Variants in SEPTIN11 observed in about 807,000 individuals in gnomAD.
The protein encoded by SEPTIN11 is septin-11.
In SEPTIN11, 25 loss-of-function variants were observed where a neutral mutation model predicts 51.4. That is an observed-to-expected ratio of 0.49 (90% CI 0.35 to 0.68). The LOEUF (loss-of-function observed/expected upper bound fraction) is 0.68. SEPTIN11 is among the 30% of genes least tolerant of loss of function. SEPTIN11 has a pLI of 0.00. For synonymous variants in SEPTIN11, 174 were observed against 184.1 expected (o/e 0.95, Z 0.44); for missense variants, 381 against 520.8 (o/e 0.73, Z 2.61).
rs893177322 is a variant in SEPTIN11, at chr4:76,949,812, C to T, written c.-92C>T. ...GAGCAGAGCGCAGCCGCGAGGGAGG[C>T]GCGAGGGAGGCGAGCCGGAGCCCGA... On this transcript the variant is annotated 5_prime_UTR_variant, in exon 1 of 10. Coordinates refer to ENST00000264893, the MANE Select transcript of SEPTIN11 (RefSeq NM_018243.4). 3.5e-4 allele frequency: 486 copies of T among 1,382,028 alleles called. No homozygotes were observed. Among genetic ancestry groups the T allele is most frequent in the Non-Finnish European group, 4.6e-4 (473 of 1,025,344 alleles). The allele number at this position is 1,382,028 out of a possible 1,614,324, so 85.6% of individuals were successfully genotyped here. A position where few individuals can be genotyped will look rare whatever the true frequency, so the allele number is the denominator to read the frequency against.
Position 77,036,294 on chromosome 4 carries a change from T to G in SEPTIN11, c.*1782T>G. The G allele has an allele frequency of 3.9e-6, 4 of 1,012,690 alleles. No individual in the cohort carries two copies. The highest frequency in any genetic ancestry group is 4.7e-6 in the Non-Finnish European group (4 of 847,278). The allele number at this position is 1,012,690 out of a possible 1,614,324, so 62.7% of individuals were successfully genotyped here. Reference sequence around the variant, plus strand: ...TTTTGCTTTTGTTTTTTTAAATAATTCTAGTCTGGAGCTAACTGTGGAGCA... The same window carrying G: ...TTTTGCTTTTGTTTTTTTAAATAATGCTAGTCTGGAGCTAACTGTGGAGCA... On this transcript the variant is annotated 3_prime_UTR_variant, in exon 10 of 10. Coordinates refer to ENST00000264893, the MANE Select transcript of SEPTIN11 (RefSeq NM_018243.4).
chr4:76,975,057 A>G (rs1041803068), intron 1 of SEPTIN11, among the ~76,000 whole-genome samples: 1 of 151,390 alleles, frequency 6.6e-6, no homozygotes, highest in Non-Finnish European at 1.5e-5. Flanking sequence ...CAGAGGTTGC[A>G]GTGAGCAGAG....
At chr4:77,006,087 TG>T (rs2109948637) in intron 3 of SEPTIN11, among the ~76,000 whole-genome samples, 1 of 152,228 alleles carries the variant, frequency 6.6e-6, no homozygotes, top group South Asian at 2.1e-4. Context: ...AAACCAGGTT[TG>T]GGGCTTTCCT....
rs1560755784 is a variant in SEPTIN11, at chr4:77,035,756, T to C, written c.*1244T>C. 2 of 985,814 alleles carry C rather than the reference T, an allele frequency of 2.0e-6. No homozygotes were observed. Among genetic ancestry groups the C allele is most frequent in the Non-Finnish European group, 1.2e-6 (1 of 829,966 alleles). The allele number at this position is 985,814 out of a possible 1,614,324, so 61.1% of individuals were successfully genotyped here. On this transcript the variant is annotated 3_prime_UTR_variant, in exon 10 of 10. Transcript: ENST00000264893. ...CCCTTGCCTCATCAGGGATTAGAAC[T>C]GGCCCATATGCCAGAACCTGTACTA...
Position 77,035,247 on chromosome 4 carries a change from G to A in SEPTIN11, c.*735G>A. Reference sequence around the variant, plus strand: ...CATCCTTGATCCTCTCACAGATAGAGGTCTTAAAGGTTGGATCATGTAACA... The same window carrying A: ...CATCCTTGATCCTCTCACAGATAGAAGTCTTAAAGGTTGGATCATGTAACA... On this transcript the variant is annotated 3_prime_UTR_variant, in exon 10 of 10. Transcript: ENST00000264893. 6.1e-6 allele frequency: 6 copies of A among 985,312 alleles called. No individual in the cohort carries two copies. Among genetic ancestry groups the A allele is most frequent in the Non-Finnish European group, 7.2e-6 (6 of 829,904 alleles). 61.0% of individuals were successfully genotyped at this position (985,312 alleles called of 1,614,324 possible).
Position 77,036,016 on chromosome 4 carries a change from C to T in SEPTIN11, c.*1504C>T. ...ATAGAATATGCTGCGTCTCCCCTGA[C>T]ACACACTTTCTTTTTTGAATGAGCA... On this transcript the variant is annotated 3_prime_UTR_variant, in exon 10 of 10. Transcript: ENST00000264893. The T allele has an allele frequency of 1.0e-6, 1 of 985,914 alleles. No individual in the cohort carries two copies. The highest frequency in any genetic ancestry group is 1.2e-6 in the Non-Finnish European group (1 of 829,972). The allele number at this position is 985,914 out of a possible 1,614,324, so 61.1% of individuals were successfully genotyped here.
chr4:76,973,096 G>T (rs1722318295), intron 1 of SEPTIN11: 1 of 152,206 alleles, frequency 6.6e-6, no homozygotes. Flanking sequence ...CAGTGATGGG[G>T]CCTGTTATGC....
At position 77,035,485 on chromosome 4, in the gene SEPTIN11, G is replaced by A; in HGVS notation, c.*973G>A. ...CACAGATACTTCCCTTAGAAAATTT[G>A]CTATAAACTCTGTATCATTGGTAGC... On this transcript the variant is annotated 3_prime_UTR_variant, in exon 10 of 10. Transcript: ENST00000264893. The A allele has an allele frequency of 2.0e-6, 2 of 985,308 alleles. No individual in the cohort carries two copies. Among genetic ancestry groups the A allele is most frequent in the Non-Finnish European group, 2.4e-6 (2 of 829,916 alleles). The allele number at this position is 985,308 out of a possible 1,614,324, so 61.0% of individuals were successfully genotyped here. A position where few individuals can be genotyped will look rare whatever the true frequency, so the allele number is the denominator to read the frequency against.
At chr4:77,008,674 A>AT (rs778769210) in intron 3 of SEPTIN11, among the ~76,000 whole-genome samples, 2 of 152,092 alleles carry the variant, frequency 1.3e-5, no homozygotes, top group Non-Finnish European at 2.9e-5. Flanking sequence ...AGCCTCTGTC[A>AT]TTTTTGTGTG....
At chr4:76,977,360 A>T (rs1373992001) in intron 1 of SEPTIN11, among the ~76,000 whole-genome samples, 1 of 152,168 alleles carries the variant, frequency 6.6e-6, no homozygotes, top group East Asian at 1.9e-4. Context: ...ATTTGTTCCA[A>T]ATTGCAAGTT....
intron 1 of SEPTIN11, among the ~76,000 whole-genome samples, chr4:76,978,056 A>C (rs190677196): frequency 8.5e-5 from 13 of 152,342 alleles, no homozygotes; most frequent in Admixed American, 7.2e-4. Context: ...CAGCTTTGCC[A>C]GAGAAAAGTA....
rs61693678 is a variant in SEPTIN11, at chr4:77,023,269, T to TACACACACAC, written c.953+2623_953+2632dup. On this transcript the variant is annotated intron_variant, in intron 7 of 9. Transcript: ENST00000264893. ...TTTGATGATGAAAAGGGAAAATGTATACACACACACACACACACACACACA... is the reference window on the plus strand; with the variant it reads ...TTTGATGATGAAAAGGGAAAATGTATACACACACACACACACACACACACACACACACACA... Among the ~76,000 whole-genome samples, 544 of 139,242 alleles carry TACACACACAC rather than the reference T, an allele frequency of 3.9e-3. 3 individuals are homozygous for TACACACACAC. The highest frequency in any genetic ancestry group is 9.2e-3 in the African/African-American group (347 of 37,832). The allele number at this position is 139,242 out of a possible 152,430, so 91.3% of individuals were successfully genotyped here.
In SEPTIN11 at chr4:76,995,634, T is replaced by C. The variant is rs979413355; in HGVS notation, c.28-791T>C. ...CTTGAGAAAAAAAGGTTTCACAGATTATCTCCAACACCCACGGGATGCATT... is the reference window on the plus strand; with the variant it reads ...CTTGAGAAAAAAAGGTTTCACAGATCATCTCCAACACCCACGGGATGCATT... On this transcript the variant is annotated intron_variant, in intron 1 of 9. Coordinates refer to ENST00000264893, the MANE Select transcript of SEPTIN11 (RefSeq NM_018243.4). The C allele has an allele frequency of 1.1e-5, 6 of 542,636 alleles. No individual in the cohort carries two copies. The African/African-American group carries it at 1.1e-4, about 10-fold the overall frequency. 33.6% of individuals were successfully genotyped at this position (542,636 alleles called of 1,614,324 possible). A position where few individuals can be genotyped will look rare whatever the true frequency, so the allele number is the denominator to read the frequency against.
At position 77,037,570 on chromosome 4, in the gene SEPTIN11, C is replaced by T. The variant is rs1437182657; in HGVS notation, c.*3058C>T. On this transcript the variant is annotated 3_prime_UTR_variant, in exon 10 of 10. Transcript: ENST00000264893. The stretch of plus-strand genomic sequence containing the variant: ...TTTTAATCTTAGTTTAATGGTCTCT[C>T]CCTGGTGCTAACTGCTGACAGTGGC... The T allele has an allele frequency of 1.8e-5, 18 of 985,200 alleles. No individual in the cohort carries two copies. Among genetic ancestry groups the T allele is most frequent in the Non-Finnish European group, 1.8e-5 (15 of 829,878 alleles). The allele number at this position is 985,200 out of a possible 1,614,324, so 61.0% of individuals were successfully genotyped here. A position where few individuals can be genotyped will look rare whatever the true frequency, so the allele number is the denominator to read the frequency against.
chr4:76,959,695 GAA>G (rs1036260882), intron 1 of SEPTIN11, among the ~76,000 whole-genome samples: 1 of 151,384 alleles, frequency 6.6e-6, no homozygotes, highest in Non-Finnish European at 1.5e-5. Flanking sequence ...AAACTCTTTT[GAA>G]AAAAAATAAT....
intron 7 of SEPTIN11, among the ~76,000 whole-genome samples, chr4:77,025,669 C>T (rs1726076862): frequency 6.6e-6 from 1 of 152,096 alleles, no homozygotes; most frequent in South Asian, 2.1e-4. Flanking sequence ...GTGGACAACT[C>T]AACTGGCAGA....
chr4:76,955,674 T>G (rs1290649449), intron 1 of SEPTIN11, among the ~76,000 whole-genome samples: 1 of 152,202 alleles, frequency 6.6e-6, no homozygotes, highest in East Asian at 1.9e-4. Flanking sequence ...TCTTCAGGAT[T>G]CAATAGGAGA....
chr4:77,019,104 G>A, intron 5 of SEPTIN11, 61 bp from the exon 6 acceptor site: 1 of 1,480,866 alleles, frequency 6.8e-7, no homozygotes, highest in Non-Finnish European at 9.3e-7. Flanking sequence ...GATAGAGACT[G>A]GTGGAAACCA....
At chr4:77,026,224 A>G (rs961424426) in intron 7 of SEPTIN11, among the ~76,000 whole-genome samples, 4 of 152,198 alleles carry the variant, frequency 2.6e-5, no homozygotes, top group Admixed American at 2.6e-4. Flanking sequence ...TGAACTGCCT[A>G]AATTTTCCAT....
Sources: gnomAD v4.1 joint callset for allele counts (sites outside exome capture counted in the v4.1 genomes callset) on GRCh38, gnomAD v4.1.1 for gene constraint, MANE v1.5 for transcripts, NCBI Gene and HGNC (gene_info 2026-07-23, HGNC 2026-07-21) for gene names.